Variants in RPP30 observed in about 807,000 individuals in gnomAD.
The protein encoded by RPP30 is ribonuclease P protein subunit p30.
A neutral mutation model predicts 38.6 loss-of-function variants in RPP30; 36 were observed. The ratio of observed to expected loss-of-function variants is 0.93; its 90% confidence interval spans 0.71 to 1.23. The LOEUF (loss-of-function observed/expected upper bound fraction) is 1.23, where lower values mean the gene tolerates loss of function less well. Among genes scored for constraint, RPP30 ranks in the 50% most tolerant of loss-of-function variants. The pLI, the probability that RPP30 is intolerant of heterozygous loss-of-function variation, is 0.00. For synonymous variants in RPP30, 126 were observed against 112.7 expected (o/e 1.12, Z -0.75); for missense variants, 321 against 321.7 (o/e 1.00, Z 0.02).
chr10:90,873,316 A>G (rs1846808150), intron 1 of RPP30, among the ~76,000 whole-genome samples: 1 of 152,242 alleles, frequency 6.6e-6, no homozygotes, highest in Non-Finnish European at 1.5e-5. Flanking sequence ...TAATATATGT[A>G]CATTGTTAGT....
chr10:90,897,585 TC>T (rs1230446605), intron 10 of RPP30, among the ~76,000 whole-genome samples: 1 of 152,250 alleles, frequency 6.6e-6, no homozygotes, highest in Non-Finnish European at 1.5e-5. Context: ...CTTTGATAGT[TC>T]TGTCATTATT....
At position 90,901,428 on chromosome 10, in the gene RPP30, T is replaced by A. The variant is rs1033060953; in HGVS notation, c.*749T>A. ...CTTCTTTCATGTATTCAAATCAGCATTTTTTTCTAAGAAATTGCTATAGAA... is the reference window on the plus strand; with the variant it reads ...CTTCTTTCATGTATTCAAATCAGCAATTTTTTCTAAGAAATTGCTATAGAA... On this transcript the variant is annotated 3_prime_UTR_variant, in exon 11 of 11. Transcript: ENST00000371703. 5.1e-6 allele frequency: 5 copies of A among 984,586 alleles called. No homozygotes were observed. The South Asian group carries it at 1.4e-4, about 28-fold the overall frequency. The allele number at this position is 984,586 out of a possible 1,614,324, so 61.0% of individuals were successfully genotyped here.
downstream of RPP30, among the ~76,000 whole-genome samples, chr10:90,904,716 G>A (rs1409838849): frequency 3.9e-5 from 6 of 152,146 alleles, no homozygotes; most frequent in African/African-American, 1.4e-4. Flanking sequence ...GGAGGCTGAG[G>A]CAGGAAAATT....
chr10:90,876,085 A>G lies in RPP30; in HGVS notation c.257A>G (p.His86Arg). The change falls in exon 4 of 11, where the codon CAC becomes CGC. Residue 86 changes from histidine to arginine, a missense_variant. Transcript: ENST00000371703. The part of the protein sequence containing the change: ...RLTIIVSDPS[H>R]CNVLRATSSR... The stretch of plus-strand genomic sequence containing the variant: ...ACAATTATTGTCTCGGATCCATCTC[A>G]CTGCAATGTTTTGGTAAGTTAATTA... 1.9e-6 allele frequency: 3 copies of G among 1,571,270 alleles called. No individual in the cohort carries two copies. The highest frequency in any genetic ancestry group is 2.6e-6 in the Non-Finnish European group (3 of 1,141,462).
At chr10:90,888,757 T>G (rs1847035505) in intron 6 of RPP30, among the ~76,000 whole-genome samples, 1 of 152,192 alleles carries the variant, frequency 6.6e-6, no homozygotes, top group South Asian at 2.1e-4. Flanking sequence ...TCCTTTCGTT[T>G]GATGGGCATT....
At chr10:90,899,482 ATC>A (rs972894661) in intron 10 of RPP30, among the ~76,000 whole-genome samples, 1 of 152,088 alleles carries the variant, frequency 6.6e-6, no homozygotes, top group African/African-American at 2.4e-5. Context: ...GCTAATGGGT[ATC>A]TCTCTCTTTC....
At chr10:90,905,164 T>C (rs1847240033), downstream of RPP30, 3 of 152,216 alleles carry the variant, frequency 2.0e-5, no homozygotes, top group South Asian at 6.2e-4. Flanking sequence ...TGCTTAGCTT[T>C]TAAGAATTTT....
chr10:90,894,731 C>A, intron 6 of RPP30, 44 bp from the exon 7 acceptor site: 2 of 1,319,200 alleles, frequency 1.5e-6, no homozygotes, highest in Admixed American at 1.7e-5. Flanking sequence ...TGAAGTAGGC[C>A]AGTGCATGCT....
chr10:90,879,658 C>A (rs1188321830), intron 5 of RPP30, among the ~76,000 whole-genome samples: 1 of 152,224 alleles, frequency 6.6e-6, no homozygotes, highest in Non-Finnish European at 1.5e-5. Context: ...TATAATCCCT[C>A]TTCTTATCTT....
chr10:90,895,822 G>T, intron 8 of RPP30, 58 bp from the exon 9 acceptor site: 1 of 1,218,666 alleles, frequency 8.2e-7, no homozygotes, highest in Non-Finnish European at 1.2e-6. Context: ...TTTGCTATAA[G>T]TCATTGAAAT....
At chr10:90,875,180 T>C (rs12241669) in intron 2 of RPP30, among the ~76,000 whole-genome samples, 3,205 of 152,262 alleles carry the variant, frequency 0.021, 108 homozygotes, top group African/African-American at 0.074. Flanking sequence ...GTTCAAAAAG[T>C]GCATTGTTAT....
At chr10:90,887,411 G>A (rs1426360376) in intron 6 of RPP30, among the ~76,000 whole-genome samples, 4 of 148,510 alleles carry the variant, frequency 2.7e-5, no homozygotes, top group African/African-American at 1.0e-4. Flanking sequence ...TTGAGACGGA[G>A]TCTTGCTGTC....
intron 10 of RPP30, 89 bp downstream of exon 10, chr10:90,896,481 C>A: frequency 2.0e-6 from 2 of 990,424 alleles, no homozygotes; most frequent in South Asian, 1.4e-5. Flanking sequence ...CCCTACCCTA[C>A]AGAGTTCCTT....
At chr10:90,904,767 G>A (rs780077494), downstream of RPP30, among the ~76,000 whole-genome samples, 3 of 152,006 alleles carry the variant, frequency 2.0e-5, no homozygotes, top group South Asian at 2.1e-4. Flanking sequence ...AGCTGAGATC[G>A]CACCACTGCA....
At chr10:90,872,788 C>A (rs978006000) in intron 1 of RPP30, among the ~76,000 whole-genome samples, 4 of 152,172 alleles carry the variant, frequency 2.6e-5, no homozygotes, top group Non-Finnish European at 5.9e-5. Context: ...ATTACTGATA[C>A]TGTTCAGAGG....
At chr10:90,899,347 T>C (rs1284054191) in intron 10 of RPP30, among the ~76,000 whole-genome samples, 1 of 152,244 alleles carries the variant, frequency 6.6e-6, no homozygotes, top group Non-Finnish European at 1.5e-5. Context: ...TTTACTAAGT[T>C]AATCTTGATA....
chr10:90,875,259 C>T (rs1846836290), intron 2 of RPP30, among the ~76,000 whole-genome samples: 1 of 152,136 alleles, frequency 6.6e-6, no homozygotes, highest in Non-Finnish European at 1.5e-5. Context: ...ACTACTTTCT[C>T]TCTTAAACAT....
At chr10:90,889,608 G>A (rs1441502801) in intron 6 of RPP30, among the ~76,000 whole-genome samples, 2 of 152,042 alleles carry the variant, frequency 1.3e-5, no homozygotes, top group Admixed American at 6.6e-5. Flanking sequence ...ATTTTGTCAC[G>A]ATGTGGGCCC....
At chr10:90,877,234 C>T (rs1846864645) in intron 4 of RPP30, among the ~76,000 whole-genome samples, 1 of 151,846 alleles carries the variant, frequency 6.6e-6, no homozygotes, top group Non-Finnish European at 1.5e-5. Flanking sequence ...ATCACTTGAG[C>T]CAGAGAGGCA....
Sources: gnomAD v4.1 joint callset for allele counts (sites outside exome capture counted in the v4.1 genomes callset) on GRCh38, gnomAD v4.1.1 for gene constraint, MANE v1.5 for transcripts, NCBI Gene and HGNC (gene_info 2026-07-23, HGNC 2026-07-21) for gene names.